The following SH3RF3 variants were observed in gnomAD, a reference collection of about 807,000 sequenced individuals.
The protein encoded by SH3RF3 is E3 ubiquitin-protein ligase SH3RF3.
SH3RF3 carries 29 observed loss-of-function variants against 66.3 expected under a neutral mutation model. The ratio of observed to expected loss-of-function variants is 0.44; its 90% CI spans 0.33 to 0.60. The LOEUF is 0.60. Ranked by LOEUF, SH3RF3 falls within the 20% of genes least tolerant of loss-of-function variation. The pLI is 0.04. For synonymous variants in SH3RF3, 583 were observed against 532.0 expected (o/e 1.10, Z -1.32); for missense variants, 1,194 against 1,190.9 (o/e 1.00, Z -0.04).
intron 3 of SH3RF3, among the ~76,000 whole-genome samples, chr2:109,386,615 G>T (rs1272787773): frequency 6.6e-6 from 1 of 152,062 alleles, no homozygotes; most frequent in Admixed American, 6.5e-5. Context: ...GTTTGGGCCC[G>T]GCTAATCCCT....
At chr2:109,497,292 C>T (rs36195352) in intron 9 of SH3RF3, among the ~76,000 whole-genome samples, 40,255 of 152,064 alleles carry the variant, frequency 0.26, 5,670 homozygotes, top group East Asian at 0.5. Context: ...GGGGCTCATT[C>T]GTCTTCCTGT....
chr2:109,457,560 C>T (rs553050132), intron 8 of SH3RF3, among the ~76,000 whole-genome samples: 8 of 152,328 alleles, frequency 5.3e-5, no homozygotes, highest in Middle Eastern at 3.4e-3. Context: ...TAGTGCCACA[C>T]GAGCTGAACA....
intron 1 of SH3RF3, among the ~76,000 whole-genome samples, chr2:109,208,468 T>A (rs993061839): frequency 6.6e-6 from 1 of 152,180 alleles, no homozygotes; most frequent in Non-Finnish European, 1.5e-5. Context: ...AGAAGCCCTG[T>A]GGAGAAGGGC....
chr2:109,130,504 C>T (rs1029742726), intron 1 of SH3RF3, among the ~76,000 whole-genome samples: 3 of 152,192 alleles, frequency 2.0e-5, no homozygotes, highest in Non-Finnish European at 2.9e-5. Flanking sequence ...AAAGTTAGCC[C>T]TTAACGTTTC....
At position 109,129,511 on chromosome 2, in the gene SH3RF3, C is replaced by G. The variant is rs760923245; in HGVS notation, c.-30C>G. ...CACGCCGGCCCCGGGACCTAGGCAG[C>G]CGCGCGAGACCGCTGCGGGCGCCTC... On this transcript the variant is annotated 5_prime_UTR_variant, in exon 1 of 10. Coordinates refer to ENST00000309415, the MANE Select transcript of SH3RF3 (RefSeq NM_001099289.3). 1.3e-5 allele frequency: 20 copies of G among 1,494,706 alleles called. No homozygotes were observed. The highest frequency in any genetic ancestry group is 1.2e-4 in the South Asian group (10 of 80,300). 92.6% of individuals were successfully genotyped at this position (1,494,706 alleles called of 1,614,324 possible).
chr2:109,319,378 G>A (rs891516495), intron 1 of SH3RF3, among the ~76,000 whole-genome samples: 3 of 152,242 alleles, frequency 2.0e-5, no homozygotes, highest in East Asian at 1.9e-4. Flanking sequence ...GTGTCTGCCT[G>A]TGGGCTCAGT....
intron 3 of SH3RF3, among the ~76,000 whole-genome samples, chr2:109,384,132 C>G (rs1011625161): frequency 2.0e-5 from 3 of 152,214 alleles, no homozygotes; most frequent in Non-Finnish European, 2.9e-5. Context: ...GGGCAGTGCC[C>G]TCCCCACAGT....
chr2:109,318,023 CA>C (rs1559020686), intron 1 of SH3RF3, among the ~76,000 whole-genome samples: 1 of 150,828 alleles, frequency 6.6e-6, no homozygotes, highest in Admixed American at 6.6e-5. Context: ...CATTAAAAAG[CA>C]AAGGGCAGGG....
intron 6 of SH3RF3, among the ~76,000 whole-genome samples, chr2:109,435,229 A>G (rs1677366607): frequency 6.6e-6 from 1 of 152,176 alleles, no homozygotes. Flanking sequence ...CCCTCAGTCC[A>G]ATCCATAGCT....
At chr2:109,316,847 A>G (rs1400736150) in intron 1 of SH3RF3, among the ~76,000 whole-genome samples, 1 of 152,128 alleles carries the variant, frequency 6.6e-6, no homozygotes, top group Non-Finnish European at 1.5e-5. Context: ...GGGTCTTTGT[A>G]CTGTCGCTGT....
At chr2:109,221,094 C>T (rs112021853) in intron 1 of SH3RF3, among the ~76,000 whole-genome samples, 10 of 152,168 alleles carry the variant, frequency 6.6e-5, no homozygotes, top group African/African-American at 1.7e-4. Context: ...AGTTATGACA[C>T]GTGCTGCATG....
intron 8 of SH3RF3, among the ~76,000 whole-genome samples, chr2:109,471,731 A>G (rs1678517474): frequency 6.6e-6 from 1 of 152,198 alleles, no homozygotes; most frequent in Non-Finnish European, 1.5e-5. Flanking sequence ...TCTCAGCCTC[A>G]CATACCTAAT....
intron 2 of SH3RF3, among the ~76,000 whole-genome samples, chr2:109,370,754 G>A (rs955761969): frequency 1.3e-5 from 2 of 152,004 alleles, no homozygotes; most frequent in Non-Finnish European, 2.9e-5. Flanking sequence ...CCGAAAGCCC[G>A]CCTTTCCTCC....
chr2:109,496,084 C>T (rs1424390205), intron 9 of SH3RF3, among the ~76,000 whole-genome samples: 1 of 152,138 alleles, frequency 6.6e-6, no homozygotes, highest in East Asian at 1.9e-4. Flanking sequence ...GCTTTTATTC[C>T]CTTATTTGTC....
In SH3RF3 at chr2:109,144,942, G is replaced by A. The variant is rs143234521; in HGVS notation, c.573+14829G>A. On this transcript the variant is annotated intron_variant, in intron 1 of 9. Coordinates refer to ENST00000309415, the MANE Select transcript of SH3RF3 (RefSeq NM_001099289.3). Reference sequence around the variant, plus strand: ...GGACACTGCGCACTGTGGGGTGAGCGCGTTCAGTGCCGATCTCAGGGCAGC... The same window carrying A: ...GGACACTGCGCACTGTGGGGTGAGCACGTTCAGTGCCGATCTCAGGGCAGC... 7.8e-3 allele frequency among the ~76,000 whole-genome samples: 1,187 copies of A among 152,338 alleles called. 11 individuals carry two copies. The highest frequency in any genetic ancestry group is 0.034 in the East Asian group (177 of 5,176).
chr2:109,283,311 C>T (rs918034855), intron 1 of SH3RF3, among the ~76,000 whole-genome samples: 2 of 152,192 alleles, frequency 1.3e-5, no homozygotes, highest in Non-Finnish European at 1.5e-5. Flanking sequence ...TGTGGGCCTG[C>T]TGGACACCTG....
chr2:109,394,515 C>T (rs1185240008), intron 3 of SH3RF3, among the ~76,000 whole-genome samples: 1 of 152,188 alleles, frequency 6.6e-6, no homozygotes, highest in East Asian at 1.9e-4. Context: ...AGGAGCAGTC[C>T]TCATGATGAA....
At chr2:109,318,342 C>T (rs1401349892) in intron 1 of SH3RF3, among the ~76,000 whole-genome samples, 2 of 152,028 alleles carry the variant, frequency 1.3e-5, no homozygotes, top group African/African-American at 2.4e-5. Context: ...AGCCCGGTCC[C>T]CAGTGCTTGT....
chr2:109,466,540 T>G (rs1225056684), intron 8 of SH3RF3, among the ~76,000 whole-genome samples: 1 of 152,236 alleles, frequency 6.6e-6, no homozygotes, highest in Non-Finnish European at 1.5e-5. Flanking sequence ...GTTTTCTCAT[T>G]CTCTTGACAG....
Sources: allele counts gnomAD v4.1 joint callset (sites outside exome capture counted in the v4.1 genomes callset), GRCh38; gene constraint gnomAD v4.1.1; transcripts MANE v1.5; gene names NCBI Gene and HGNC (gene_info 2026-07-23, HGNC 2026-07-21).